NAALADL2: variants seen among roughly 807,000 people sequenced by gnomAD.
The protein encoded by NAALADL2 is N-acetylated alpha-linked acidic dipeptidase like 2.
NAALADL2 carries 76 observed loss-of-function variants against 87.2 expected under a neutral mutation model. The observed-to-expected ratio is 0.87, with a 90% CI of 0.72 to 1.05. NAALADL2 has a LOEUF of 1.05. Among genes scored for constraint, NAALADL2 ranks in the 50% least tolerant of loss-of-function variants. The pLI, the probability that NAALADL2 is intolerant of heterozygous loss-of-function variation, is 0.00. For missense variants in NAALADL2, 1,089 were observed against 945.8 expected (o/e 1.15, Z -1.99); for synonymous variants, 354 against 331.0 (o/e 1.07, Z -0.75).
chr3:174,636,945 TAAAC>T (rs1293098118), intron 2 of NAALADL2, among the ~76,000 whole-genome samples: 1 of 152,010 alleles, frequency 6.6e-6, no homozygotes, highest in African/African-American at 2.4e-5. Flanking sequence ...AATGAATGGA[TAAAC>T]AAAATGTGGT....
intron 10 of NAALADL2, among the ~76,000 whole-genome samples, chr3:175,621,821 G>A (rs1050269867): frequency 6.6e-6 from 1 of 151,978 alleles, no homozygotes; most frequent in African/African-American, 2.4e-5. Context: ...CATCTGTTTT[G>A]GTGCCCACAG....
chr3:175,258,315 C>G lies in NAALADL2; in HGVS notation c.939+1785C>G, dbSNP rs202176581. ...AGAGGGCGAGACTCCGTCCCTCCGC[C>G]CCCACCACCAAAAAAAAAAAAAAAA... On this transcript the variant is annotated intron_variant, in intron 4 of 13. Transcript: ENST00000454872. 9.7e-3 allele frequency among the ~76,000 whole-genome samples: 881 copies of G among 91,212 alleles called. 15 individuals carry two copies. Among genetic ancestry groups the G allele is most frequent in the African/African-American group, 0.045 (840 of 18,860 alleles). The allele number at this position is 91,212 out of a possible 152,430, so 59.8% of individuals were successfully genotyped here. A position where few individuals can be genotyped will look rare whatever the true frequency, so the allele number is the denominator to read the frequency against.
intron 3 of NAALADL2, among the ~76,000 whole-genome samples, chr3:174,847,213 T>G (rs1035640501): frequency 1.3e-5 from 2 of 152,218 alleles, no homozygotes; most frequent in Non-Finnish European, 2.9e-5. Flanking sequence ...ACCTTTCCCC[T>G]ACTTTCCTAG....
chr3:175,437,846 C>G (rs1292315671), intron 5 of NAALADL2, among the ~76,000 whole-genome samples: 1 of 151,992 alleles, frequency 6.6e-6, no homozygotes, highest in Non-Finnish European at 1.5e-5. Flanking sequence ...TTTTGCTTTA[C>G]AAATGGGAAT....
At chr3:175,561,800 T>G (rs1436302055) in intron 9 of NAALADL2, among the ~76,000 whole-genome samples, 1 of 152,166 alleles carries the variant, frequency 6.6e-6, no homozygotes, top group African/African-American at 2.4e-5. Context: ...CATATGACTT[T>G]TAGGAGGGAA....
At chr3:174,907,399 T>C (rs1733105909) in intron 1 of NAALADL2, among the ~76,000 whole-genome samples, 2 of 152,146 alleles carry the variant, frequency 1.3e-5, no homozygotes, top group Admixed American at 6.6e-5. Context: ...TTGAAGATGC[T>C]AAGAAGTGTT....
At chr3:174,602,154 T>C (rs1010372682) in intron 2 of NAALADL2, among the ~76,000 whole-genome samples, 1 of 152,138 alleles carries the variant, frequency 6.6e-6, no homozygotes, top group Non-Finnish European at 1.5e-5. Flanking sequence ...TCTATTTCCA[T>C]GCAGAATTTC....
At chr3:174,829,146 G>A (rs1367963541) in intron 3 of NAALADL2, among the ~76,000 whole-genome samples, 1 of 151,346 alleles carries the variant, frequency 6.6e-6, no homozygotes, top group Admixed American at 6.6e-5. Context: ...TTAGGTTTTA[G>A]GGTACATGTA....
chr3:175,238,854 C>G (rs1043745050), intron 3 of NAALADL2, among the ~76,000 whole-genome samples: 14 of 152,134 alleles, frequency 9.2e-5, no homozygotes, highest in Non-Finnish European at 1.9e-4. Flanking sequence ...GCATGAATTT[C>G]TGTCTTGCAG....
intron 1 of NAALADL2, among the ~76,000 whole-genome samples, chr3:174,994,889 CTTCAGAGT>C (rs1302705979): frequency 6.6e-6 from 1 of 152,144 alleles, no homozygotes; most frequent in Non-Finnish European, 1.5e-5. Context: ...CAACTGCTCT[CTTCAGAGT>C]TTCTTTGTAA....
At chr3:174,516,717 T>C (rs9867207) in intron 1 of NAALADL2, among the ~76,000 whole-genome samples, 1 of 151,732 alleles carries the variant, frequency 6.6e-6, no homozygotes, top group Non-Finnish European at 1.5e-5. Flanking sequence ...TTGCTTAAAA[T>C]CATAAGTTAG....
chr3:174,881,791 C>G (rs1170673398), intron 1 of NAALADL2, among the ~76,000 whole-genome samples: 1 of 152,044 alleles, frequency 6.6e-6, no homozygotes, highest in African/African-American at 2.4e-5. Context: ...GGAACATTCT[C>G]TAGAAATCTG....
At chr3:175,388,951 A>AT (rs1768752669) in intron 5 of NAALADL2, among the ~76,000 whole-genome samples, 2 of 152,094 alleles carry the variant, frequency 1.3e-5, no homozygotes, top group Non-Finnish European at 2.9e-5. Flanking sequence ...TATAGAAAAA[A>AT]AATTATTCTG....
intron 2 of NAALADL2, among the ~76,000 whole-genome samples, chr3:175,188,869 A>T (rs1737735368): frequency 6.6e-6 from 1 of 151,978 alleles, no homozygotes; most frequent in Admixed American, 6.6e-5. Context: ...CCAGAACTGT[A>T]GCTATGCCCT....
chr3:175,466,710 C>A (rs1410319479), intron 7 of NAALADL2, among the ~76,000 whole-genome samples: 1 of 152,132 alleles, frequency 6.6e-6, no homozygotes, highest in Non-Finnish European at 1.5e-5. Context: ...GGCATATTTA[C>A]ATGCTTCATT....
intron 1 of NAALADL2, among the ~76,000 whole-genome samples, chr3:174,919,257 A>G (rs1003825928): frequency 6.6e-6 from 1 of 152,094 alleles, no homozygotes; most frequent in Non-Finnish European, 1.5e-5. Flanking sequence ...TCCTTTTACA[A>G]AATATTTCTC....
intron 2 of NAALADL2, among the ~76,000 whole-genome samples, chr3:175,156,989 C>A (rs1180997693): frequency 2.0e-5 from 3 of 151,980 alleles, no homozygotes; most frequent in Admixed American, 2.0e-4. Flanking sequence ...CACATTCAGC[C>A]TCTGTCTCTA....
At chr3:175,083,164 AG>A (rs1200879745) in intron 1 of NAALADL2, among the ~76,000 whole-genome samples, 3 of 152,194 alleles carry the variant, frequency 2.0e-5, no homozygotes, top group African/African-American at 4.8e-5. Context: ...CACCCTCCAG[AG>A]GCTGCTTCCT....
chr3:174,646,965 A>G (rs980388894), intron 2 of NAALADL2, among the ~76,000 whole-genome samples: 3 of 152,182 alleles, frequency 2.0e-5, no homozygotes, highest in African/African-American at 7.2e-5. Flanking sequence ...TTTTAATGGT[A>G]CATCTAACTC....
Sources: allele counts gnomAD v4.1 joint callset (sites outside exome capture counted in the v4.1 genomes callset), GRCh38; gene constraint gnomAD v4.1.1; transcripts MANE v1.5; gene names NCBI Gene and HGNC (gene_info 2026-07-23, HGNC 2026-07-21).